The following IL17REL variants were observed in gnomAD, a reference collection of about 807,000 sequenced individuals.
The protein encoded by IL17REL is interleukin-17 receptor E-like protein.
A neutral mutation model predicts 49.0 loss-of-function variants in IL17REL; 36 were observed. The observed-to-expected ratio is 0.73, with a 90% CI of 0.56 to 0.97. The LOEUF is 0.97. IL17REL is among the 50% of genes least tolerant of loss of function. The pLI, the probability that IL17REL is intolerant of heterozygous loss-of-function variation, is 0.00. For missense variants in IL17REL, 470 were observed against 453.9 expected, an observed-to-expected ratio of 1.04 and a Z score of -0.32; for synonymous variants, 206 against 192.4, an observed-to-expected ratio of 1.07 and a Z score of -0.58.
chr22:49,998,593 G>C (rs2061052281), intron 7 of IL17REL, among the ~76,000 whole-genome samples: 1 of 150,298 alleles, frequency 6.7e-6, no homozygotes, highest in African/African-American at 2.5e-5. Flanking sequence ...GTGTGTATGT[G>C]TACGTGTTTG....
downstream of IL17REL, among the ~76,000 whole-genome samples, chr22:49,992,969 C>T (rs2061013457): frequency 6.6e-6 from 1 of 152,198 alleles, no homozygotes; most frequent in Non-Finnish European, 1.5e-5. Flanking sequence ...CTCCCAGCCT[C>T]ATTCCTCACC....
intron 1 of IL17REL, 97 bp from the exon 3 acceptor site, chr22:50,001,328 A>T (rs2061079144): frequency 1.6e-6 from 1 of 608,942 alleles, no homozygotes; most frequent in Non-Finnish European, 2.9e-6. Context: ...CTGGGGCTGC[A>T]GTCTTTGCCA....
chr22:50,004,299 G>T (rs977665558), intron 1 of IL17REL, among the ~76,000 whole-genome samples: 1 of 152,112 alleles, frequency 6.6e-6, no homozygotes, highest in Non-Finnish European at 1.5e-5. Context: ...GGCTGGTCTT[G>T]AACTCCTGAC....
At chr22:50,002,695 A>G (rs2061086252) in intron 1 of IL17REL, among the ~76,000 whole-genome samples, 2 of 152,042 alleles carry the variant, frequency 1.3e-5, no homozygotes. Flanking sequence ...AGGTTTCACC[A>G]TGCTGGCCAG....
At chr22:49,997,842 C>T (rs556894669) in intron 9 of IL17REL, 100 bp from the exon 12 acceptor site, 1 of 1,418,428 alleles carries the variant, frequency 7.1e-7, no homozygotes, top group Non-Finnish European at 9.9e-7. Flanking sequence ...CTTCAGGGTG[C>T]TCTGGGCCCA....
chr22:49,998,385 C>T, intron 7 of IL17REL, 76 bp from the exon 10 acceptor site: 1 of 1,403,896 alleles, frequency 7.1e-7, no homozygotes, highest in Non-Finnish European at 9.6e-7. Context: ...CTAGCACCCA[C>T]TCAAGTGACC....
downstream of IL17REL, among the ~76,000 whole-genome samples, chr22:49,994,315 C>CAGTGACCTTA (rs58801958): frequency 6.6e-6 from 1 of 152,014 alleles, no homozygotes. Context: ...CACCATGTGA[C>CAGTGACCTTA]GCTGACCTCA....
upstream of IL17REL, chr22:50,009,028 G>C (rs745849181): frequency 5.3e-5 from 8 of 152,160 alleles, no homozygotes. Flanking sequence ...AGAACGATCC[G>C]AAACCTGGGA....
intron 7 of IL17REL, among the ~76,000 whole-genome samples, chr22:49,998,784 G>A (rs2061054407): frequency 6.6e-6 from 1 of 150,968 alleles, no homozygotes; most frequent in Non-Finnish European, 1.5e-5. Context: ...CATGGGTGTG[G>A]GTGTGCGTAT....
chr22:49,998,495 T>C (rs1332996517), intron 7 of IL17REL, among the ~76,000 whole-genome samples, 186 bp from the exon 10 acceptor site: 1 of 152,028 alleles, frequency 6.6e-6, no homozygotes, highest in Non-Finnish European at 1.5e-5. Flanking sequence ...TGGATATGCA[T>C]GTGCATGGGT....
chr22:50,003,098 G>A (rs1569210818), intron 1 of IL17REL, among the ~76,000 whole-genome samples: 1 of 152,208 alleles, frequency 6.6e-6, no homozygotes, highest in Admixed American at 6.5e-5. Flanking sequence ...CAGCCGGACC[G>A]AGTATGAGAG....
At chr22:50,005,021 G>T (rs2061101547) in intron 1 of IL17REL, among the ~76,000 whole-genome samples, 1 of 148,642 alleles carries the variant, frequency 6.7e-6, no homozygotes, top group Middle Eastern at 3.6e-3. Flanking sequence ...AAGGACTCAC[G>T]GTGAGCAAGG....
chr22:50,011,992 G>A (rs2061143590), upstream of IL17REL, among the ~76,000 whole-genome samples: 3 of 152,286 alleles, frequency 2.0e-5, no homozygotes, highest in Admixed American at 6.5e-5. Flanking sequence ...CACTGTGCCC[G>A]GCCAGCCTTG....
chr22:49,997,719 C>G, exon 10 of IL17REL: 3 of 1,613,952 alleles, frequency 1.9e-6, no homozygotes, highest in Non-Finnish European at 2.5e-6. Context: ...GGCACCGCAC[C>G]CAGGACCCCC....
chr22:49,998,764 G>A (rs1601886133), intron 7 of IL17REL, among the ~76,000 whole-genome samples: 1 of 150,492 alleles, frequency 6.6e-6, no homozygotes, highest in African/African-American at 2.5e-5. Context: ...CGTGTGCATG[G>A]GTGCGTGTCC....
At chr22:50,008,418 G>A (rs2061121428) in intron 1 of IL17REL, among the ~76,000 whole-genome samples, 1 of 152,194 alleles carries the variant, frequency 6.6e-6, no homozygotes, top group South Asian at 2.1e-4. Flanking sequence ...CTCTCTGGCA[G>A]GCCCACCTCT....
At chr22:50,009,009 G>A (rs933376005), upstream of IL17REL, 10 of 152,354 alleles carry the variant, frequency 6.6e-5, no homozygotes, top group African/African-American at 2.2e-4. Context: ...ATTCCGAGAA[G>A]GGGGAGACAG....
rs2061077002 is a variant in IL17REL, at chr22:50,001,079, C to T, written c.109+3G>A. 1.9e-6 allele frequency: 3 copies of T among 1,577,002 alleles called. No individual in the cohort carries two copies. The highest frequency in any genetic ancestry group is 2.7e-5 in the African/African-American group (2 of 74,204). ...AACTCCCACCCTCGAGGCCACCTCTCACCATGCAGGGTGATGGAGGCGCGT... is the reference window on the plus strand; with the variant it reads ...AACTCCCACCCTCGAGGCCACCTCTTACCATGCAGGGTGATGGAGGCGCGT... On this transcript the variant is annotated splice_donor_region_variant and intron_variant, in intron 2 of 12. Coordinates refer to ENST00000341280, the Ensembl canonical transcript of IL17REL.
intron 1 of IL17REL, among the ~76,000 whole-genome samples, chr22:50,003,362 AAT>A (rs1457023310): frequency 1.3e-5 from 2 of 151,934 alleles, no homozygotes; most frequent in Non-Finnish European, 2.9e-5. Context: ...CTCTACTAAA[AAT>A]ACAAAAATTA....
Sources: allele counts gnomAD v4.1 joint callset (sites outside exome capture counted in the v4.1 genomes callset), GRCh38; gene constraint gnomAD v4.1.1; transcripts MANE v1.5; gene names NCBI Gene and HGNC (gene_info 2026-07-23, HGNC 2026-07-21).